C10orf90: variants seen among roughly 807,000 people sequenced by gnomAD.
C10orf90 encodes the protein (E2-independent) E3 ubiquitin-conjugating enzyme FATS.
A neutral mutation model predicts 62.5 loss-of-function variants in C10orf90; 56 were observed. The ratio of observed to expected loss-of-function variants is 0.90; its 90% CI spans 0.72 to 1.12. C10orf90 has a LOEUF of 1.12. C10orf90 is among the 50% of genes most tolerant of loss of function. C10orf90 has a pLI of 0.00. For missense variants in C10orf90, 970 were observed against 880.4 expected, an observed-to-expected ratio of 1.10 and a Z score of -1.29; for synonymous variants, 386 against 340.4, an observed-to-expected ratio of 1.13 and a Z score of -1.47.
At position 126,649,079 on chromosome 10, in the gene C10orf90, C is replaced by A. The variant is rs376198048; in HGVS notation, c.241-2442G>T. Among the ~76,000 whole-genome samples, 4 of 108,788 alleles carry A rather than the reference C, an allele frequency of 3.7e-5. No individual in the cohort carries two copies. In the East Asian group the frequency reaches 9.1e-4, roughly 25 times the overall value. 71.4% of individuals were successfully genotyped at this position (108,788 alleles called of 152,430 possible). A position where few individuals can be genotyped will look rare whatever the true frequency, so the allele number is the denominator to read the frequency against. On this transcript the variant is annotated intron_variant, in intron 1 of 9. Coordinates refer to ENST00000488181, the MANE Select transcript of C10orf90 (RefSeq NM_001350921.2). Reference sequence around the variant, plus strand: ...CTCTCTCTCTCTCTCTCTCCCCCCCCCCCAGCAATTCACAATGGATGGCAA... The same window carrying A: ...CTCTCTCTCTCTCTCTCTCCCCCCCACCCAGCAATTCACAATGGATGGCAA...
chr10:126,597,372 A>T (rs1376188114), intron 2 of C10orf90, among the ~76,000 whole-genome samples: 4 of 152,248 alleles, frequency 2.6e-5, no homozygotes, highest in African/African-American at 9.6e-5. Context: ...TCATCAGCCT[A>T]GAGGCGAGAT....
intron 1 of C10orf90, among the ~76,000 whole-genome samples, chr10:126,665,168 C>A (rs1193247668): frequency 6.6e-6 from 1 of 152,134 alleles, no homozygotes; most frequent in East Asian, 1.9e-4. Context: ...CTTTTCTCAG[C>A]CCTCCTCAGG....
chr10:126,450,078 A>G (rs762822380), intron 7 of C10orf90, among the ~76,000 whole-genome samples: 26 of 152,116 alleles, frequency 1.7e-4, no homozygotes, highest in Non-Finnish European at 3.2e-4. Context: ...TCCCATTTAC[A>G]CTGACATCAC....
At chr10:126,502,537 T>C (rs1862462974) in intron 4 of C10orf90, 1 of 174,098 alleles carries the variant, frequency 5.7e-6, no homozygotes, top group Non-Finnish European at 1.2e-5. Context: ...GTCCACACTC[T>C]TGCTGCCCTC....
At chr10:126,535,289 A>G (rs1216895737) in intron 2 of C10orf90, among the ~76,000 whole-genome samples, 5 of 151,982 alleles carry the variant, frequency 3.3e-5, no homozygotes, top group Non-Finnish European at 5.9e-5. Context: ...AGGCCGAGGC[A>G]GGCGGATCAC....
chr10:126,446,349 A>G (rs891295542), intron 7 of C10orf90, among the ~76,000 whole-genome samples: 7 of 152,128 alleles, frequency 4.6e-5, no homozygotes, highest in African/African-American at 1.4e-4. Context: ...AACTGTCACA[A>G]ATCAAAGACA....
intron 2 of C10orf90, among the ~76,000 whole-genome samples, chr10:126,589,496 A>G (rs1294534550): frequency 6.6e-6 from 1 of 152,246 alleles, no homozygotes; most frequent in African/African-American, 2.4e-5. Context: ...CATCAGACTA[A>G]CAGCAGATCT....
intron 2 of C10orf90, among the ~76,000 whole-genome samples, chr10:126,574,436 A>C (rs1479806293): frequency 3.9e-5 from 6 of 152,180 alleles, no homozygotes; most frequent in Non-Finnish European, 7.4e-5. Flanking sequence ...AAGAAAATAC[A>C]AAGTATTGCA....
intron 2 of C10orf90, among the ~76,000 whole-genome samples, chr10:126,535,976 C>T (rs749195864): frequency 1.4e-4 from 21 of 152,260 alleles, no homozygotes; most frequent in Non-Finnish European, 2.8e-4. Flanking sequence ...TAGATGTGCA[C>T]TGAAGTTTTT....
chr10:126,479,243 C>T (rs900950104), intron 4 of C10orf90, among the ~76,000 whole-genome samples: 1 of 152,174 alleles, frequency 6.6e-6, no homozygotes. Context: ...TCCTGATGGG[C>T]TTCCCATGGA....
At chr10:126,617,208 C>T (rs759628719) in intron 2 of C10orf90, among the ~76,000 whole-genome samples, 1 of 152,218 alleles carries the variant, frequency 6.6e-6, no homozygotes, top group African/African-American at 2.4e-5. Flanking sequence ...TGTACCCACT[C>T]ACATCCCACC....
intron 2 of C10orf90, among the ~76,000 whole-genome samples, chr10:126,614,146 G>A (rs1360363398): frequency 6.6e-6 from 1 of 152,160 alleles, no homozygotes; most frequent in Non-Finnish European, 1.5e-5. Flanking sequence ...TCAAGGGTGA[G>A]AACAATCTGA....
At chr10:126,665,912 C>T (rs576012591) in intron 1 of C10orf90, among the ~76,000 whole-genome samples, 1 of 152,308 alleles carries the variant, frequency 6.6e-6, no homozygotes, top group Admixed American at 6.5e-5. Context: ...AGAAAAATAC[C>T]TGAAACCAAG....
intron 2 of C10orf90, among the ~76,000 whole-genome samples, chr10:126,608,405 C>T (rs904005616): frequency 6.6e-6 from 1 of 152,164 alleles, no homozygotes; most frequent in African/African-American, 2.4e-5. Context: ...AGCCACCATG[C>T]CTAGCCTGAA....
chr10:126,649,941 G>A (rs1166502983), intron 1 of C10orf90, among the ~76,000 whole-genome samples: 1 of 149,978 alleles, frequency 6.7e-6, no homozygotes, highest in Non-Finnish European at 1.5e-5. Flanking sequence ...AAGGAAGGAA[G>A]TAGTAAGGGA....
At chr10:126,668,154 T>C (rs1233120888) in intron 1 of C10orf90, among the ~76,000 whole-genome samples, 1 of 152,156 alleles carries the variant, frequency 6.6e-6, no homozygotes, top group Admixed American at 6.5e-5. Flanking sequence ...ATCAAGCAGA[T>C]TTGCAGGACC....
chr10:126,556,440 G>A (rs2118112), intron 2 of C10orf90, among the ~76,000 whole-genome samples: 134,527 of 152,234 alleles, frequency 0.88, 59,666 homozygotes, highest in Middle Eastern at 0.93. Context: ...AACTCATGAA[G>A]TGATCCTTGA....
At chr10:126,425,966 C>T (rs2133966492) in intron 9 of C10orf90, 25 bp downstream of exon 9, 1 of 1,613,838 alleles carries the variant, frequency 6.2e-7, no homozygotes. Context: ...ACACACATCA[C>T]ACCTGCTGGT....
At chr10:126,528,492 A>AT (rs1455039913) in intron 2 of C10orf90, among the ~76,000 whole-genome samples, 6 of 152,216 alleles carry the variant, frequency 3.9e-5, no homozygotes, top group Non-Finnish European at 8.8e-5. Flanking sequence ...AGGCTAAAGA[A>AT]TGCTTCTGAA....
Sources: gnomAD v4.1 joint callset for allele counts (sites outside exome capture counted in the v4.1 genomes callset) on GRCh38, gnomAD v4.1.1 for gene constraint, MANE v1.5 for transcripts, NCBI Gene and HGNC (gene_info 2026-07-23, HGNC 2026-07-21) for gene names.